The following MMP1 variants were observed in gnomAD, a reference collection of about 807,000 sequenced individuals.
MMP1 encodes the protein matrix metallopeptidase 1, also known as interstitial collagenase.
In MMP1, 51 loss-of-function variants were observed where a neutral mutation model predicts 49.6. That is an observed-to-expected ratio of 1.03 (90% CI 0.82 to 1.30). MMP1 has a LOEUF of 1.30. Among genes scored for constraint, MMP1 ranks in the 50% most tolerant of loss-of-function variants. The pLI is 0.00. For synonymous variants in MMP1, 230 were observed against 196.8 expected (o/e 1.17, Z -1.41); for missense variants, 623 against 568.7 (o/e 1.10, Z -0.97).
intron 6 of MMP1, 170 bp downstream of exon 6, chr11:102,795,004 C>A: frequency 1.6e-6 from 1 of 614,838 alleles, no homozygotes; most frequent in Non-Finnish European, 2.9e-6. Context: ...TGTAGAAAAA[C>A]AAAGTTGTTA....
chr11:102,793,400 T>C (rs535760518), intron 6 of MMP1: 31 of 152,338 alleles, frequency 2.0e-4, no homozygotes, highest in African/African-American at 6.5e-4. Flanking sequence ...ATTACAAGTG[T>C]GAGCCACTGC....
In MMP1 at chr11:102,790,409, T is replaced by A; in HGVS notation, c.*3A>T. On this transcript the variant is annotated 3_prime_UTR_variant, in exon 10 of 10. Coordinates refer to ENST00000315274, the MANE Select transcript of MMP1 (RefSeq NM_002421.4). ...ATGTGTTTTCCATTCAAATTAGTAA[T>A]GTTCAATTTTTCCTGCAGTTGAACC... 6.5e-7 allele frequency: 1 copy of A among 1,547,712 alleles called. No individual in the cohort carries two copies. The highest frequency in any genetic ancestry group is 8.9e-7 in the Non-Finnish European group (1 of 1,127,638).
chr11:102,797,638 AT>A, intron 1 of MMP1, 138 bp from the exon 2 acceptor site: 1 of 1,124,188 alleles, frequency 8.9e-7, no homozygotes, highest in African/African-American at 1.6e-5. Flanking sequence ...TTTTATCCTT[AT>A]TTTTGGTGAG....
At chr11:102,792,788 C>G (rs758390084) in intron 6 of MMP1, 50 bp from the exon 7 acceptor site, 1 of 1,554,930 alleles carries the variant, frequency 6.4e-7, no homozygotes, top group Non-Finnish European at 8.9e-7. Flanking sequence ...CTGGTAATCT[C>G]TGGCAGATAT....
In MMP1 at chr11:102,794,705, A is replaced by G. The variant is rs184045382; in HGVS notation, c.899+469T>C. Among the ~76,000 whole-genome samples the G allele has an allele frequency of 6.6e-6, 1 of 152,254 alleles. No individual in the cohort carries two copies. The highest frequency in any genetic ancestry group is 1.9e-4 in the East Asian group (1 of 5,172). The stretch of plus-strand genomic sequence containing the variant: ...CCATTTTTCCAGGATGGCAGGGGAG[A>G]TAATTAAAGGATGGCTATGCAACCC... On this transcript the variant is annotated intron_variant, in intron 6 of 9. Coordinates refer to ENST00000315274, the MANE Select transcript of MMP1 (RefSeq NM_002421.4). This position sits in a 1 kb window ranked among gnomAD's most constrained non-coding sequence, Gnocchi z 4.3.
rs1858131703 is a variant in MMP1 at position 102,794,717 on chromosome 11, T to C, written c.899+457A>G. On this transcript the variant is annotated intron_variant, in intron 6 of 9. Coordinates refer to ENST00000315274, the MANE Select transcript of MMP1 (RefSeq NM_002421.4). This position sits in a 1 kb window ranked among gnomAD's most constrained non-coding sequence, Gnocchi z 4.3. Reference sequence around the variant, plus strand: ...GATGGCAGGGGAGATAATTAAAGGATGGCTATGCAACCCTCATCAGTGAGA... The same window carrying C: ...GATGGCAGGGGAGATAATTAAAGGACGGCTATGCAACCCTCATCAGTGAGA... Among the ~76,000 whole-genome samples, 1 of 152,168 alleles carries C rather than the reference T, an allele frequency of 6.6e-6. No individual in the cohort carries two copies. Among genetic ancestry groups the C allele is most frequent in the Non-Finnish European group, 1.5e-5 (1 of 68,036 alleles).
In MMP1 at chr11:102,792,634, G is replaced by C. The variant is rs200931880; in HGVS notation, c.1004C>G (p.Ala335Gly). The change falls in exon 7 of 10, where the codon GCC becomes GGC. Residue 335 changes from alanine to glycine, a missense_variant. Physicochemically the swap from Ala to Gly is moderately conservative, Grantham distance 60 (BLOSUM62 0). Transcript: ENST00000315274. ...GAAAAACCGGACTTCATCTCTGTCG[G>C]CAAATTCGTAAGCAGCTTCAAGCCC... ...PNGLEAAYEF[A>G]DRDEVRFFKG... is the part of the protein sequence containing the mutation. 95 of 1,613,428 alleles carry C rather than the reference G, an allele frequency of 5.9e-5. No homozygotes were observed. The highest frequency in any genetic ancestry group is 7.8e-5 in the Non-Finnish European group (92 of 1,179,674).
chr11:102,793,009 T>C (rs1421467902), intron 6 of MMP1: 1 of 247,536 alleles, frequency 4.0e-6, no homozygotes, highest in African/African-American at 2.2e-5. Context: ...CATAAATAAG[T>C]AGAAAAATGC....
At chr11:102,791,529 C>T in intron 7 of MMP1, 34 bp from the exon 8 acceptor site, 5 of 1,608,516 alleles carry the variant, frequency 3.1e-6, no homozygotes, top group South Asian at 1.1e-5. Flanking sequence ...AAACACTTGC[C>T]TAAGACTTCA....
rs769474098 is a variant in MMP1, at chr11:102,797,426, C to G, written c.180G>C (p.Val60=). The G allele has an allele frequency of 2.5e-6, 4 of 1,614,072 alleles. No homozygotes were observed. The highest frequency in any genetic ancestry group is 3.4e-6 in the Non-Finnish European group (4 of 1,180,028). The change falls in exon 2 of 10, where the codon GTG becomes GTC. Residue 60 remains valine (V), a synonymous_variant. Coordinates refer to ENST00000315274, the MANE Select transcript of MMP1 (RefSeq NM_002421.4). ...CCTGCATTTGCTTCAATTTTTCAAC[C>G]ACTGGGCCACTATTTCTCCGCTTTT... ...QVEKRRNSGP[V]VEKLKQMQEF...
At position 102,790,386 on chromosome 11, in the gene MMP1, G is replaced by T; in HGVS notation, c.*26C>A. On this transcript the variant is annotated 3_prime_UTR_variant, in exon 10 of 10. Transcript: ENST00000315274. ...AACACCTTCTTTGGACTCACACCATGTGTTTTCCATTCAAATTAGTAATGT... is the reference window on the plus strand; with the variant it reads ...AACACCTTCTTTGGACTCACACCATTTGTTTTCCATTCAAATTAGTAATGT... 1 of 1,378,438 alleles carries T rather than the reference G, an allele frequency of 7.3e-7. No homozygotes were observed. The highest frequency in any genetic ancestry group is 1.0e-6 in the Non-Finnish European group (1 of 977,010). The allele number at this position is 1,378,438 out of a possible 1,614,324, so 85.4% of individuals were successfully genotyped here.
intron 3 of MMP1, 36 bp downstream of exon 3, chr11:102,796,978 G>A (rs1459735786): frequency 6.3e-7 from 1 of 1,587,548 alleles, no homozygotes; most frequent in Admixed American, 1.8e-5. Context: ...AGATCTAGGG[G>A]CAAGGTGAGG....
Position 102,794,864 on chromosome 11 carries a change from C to A in MMP1, c.899+310G>T, listed in dbSNP as rs1323001737. Among the ~76,000 whole-genome samples the A allele has an allele frequency of 2.0e-5, 3 of 152,168 alleles. No individual in the cohort carries two copies. Among genetic ancestry groups the A allele is most frequent in the Non-Finnish European group, 4.4e-5 (3 of 68,026 alleles). On this transcript the variant is annotated intron_variant, in intron 6 of 9. Transcript: ENST00000315274. This position sits in a 1 kb window ranked among gnomAD's most constrained non-coding sequence, Gnocchi z 4.3. ...AGAAGACCAATAACTGCTCTGCTAC[C>A]AATGAGCTCTATGCCCCCAAAAGAT...
At chr11:102,797,908 C>A in intron 1 of MMP1, 80 bp downstream of exon 1, 2 of 1,072,776 alleles carry the variant, frequency 1.9e-6, no homozygotes, top group East Asian at 2.6e-5. Flanking sequence ...GAAACCTATC[C>A]TTAAAAAACT....
Position 102,791,319 on chromosome 11 carries a change from G to A in MMP1, c.1196+14C>T. 1 of 1,613,590 alleles carries A rather than the reference G, an allele frequency of 6.2e-7. No individual in the cohort carries two copies. The highest frequency in any genetic ancestry group is 8.5e-7 in the Non-Finnish European group (1 of 1,179,572). The stretch of plus-strand genomic sequence containing the variant: ...AAGAACTGAGGCCCTAACATTCTCT[G>A]CACTTAAACTTACCTCCAGTATTTG... On this transcript the variant is annotated intron_variant, in intron 8 of 9. Coordinates refer to ENST00000315274, the MANE Select transcript of MMP1 (RefSeq NM_002421.4).
intron 1 of MMP1, 112 bp downstream of exon 1, chr11:102,797,876 A>C: frequency 1.2e-6 from 1 of 810,520 alleles, no homozygotes; most frequent in Non-Finnish European, 1.9e-6. Context: ...TTCTAGCAAA[A>C]AAAAAAAAAA....
Position 102,797,380 on chromosome 11 carries a change from T to C in MMP1, c.226A>G (p.Thr76Ala). ...QMQEFFGLKV[T>A]GKPDAETLKV... is the part of the protein sequence containing the mutation. ...AGGGTTTCAGCATCTGGTTTCCCAG[T>C]CACTTTCAGCCCAAAGAATTCCTGC... The change falls in exon 2 of 10, where the codon ACT becomes GCT. Residue 76 changes from threonine (T) to alanine (A), a missense_variant. Thr to Ala is a moderately conservative substitution (Grantham distance 58). Transcript: ENST00000315274. 1 of 1,614,196 alleles carries C rather than the reference T, an allele frequency of 6.2e-7. No homozygotes were observed.
Position 102,796,335 on chromosome 11 carries a change from T to A in MMP1, c.625+329A>T, listed in dbSNP as rs551718814. On this transcript the variant is annotated intron_variant, in intron 4 of 9. Transcript: ENST00000315274. ...AAACACAAAAAGCCTTCCTTTTCTT[T>A]AATTTCCACATAAGTTTATGACCGC... Among the ~76,000 whole-genome samples the A allele has an allele frequency of 1.4e-4, 22 of 152,356 alleles. No individual in the cohort carries two copies. The South Asian group carries it at 4.6e-3, about 32-fold the overall frequency.
rs1200979754 is a variant in MMP1 at position 102,790,735 on chromosome 11, C to T, written c.1268G>A (p.Gly423Asp). 1 of 1,613,064 alleles carries T rather than the reference C, an allele frequency of 6.2e-7. No individual in the cohort carries two copies. The highest frequency in any genetic ancestry group is 8.5e-7 in the Non-Finnish European group (1 of 1,179,184). Residue 423 changes from glycine to aspartate, a missense_variant, in exon 9 of 10, where the codon GGC becomes GAC. By Grantham distance (94) the Gly-to-Asp change is moderately conservative (BLOSUM62 -1). Coordinates refer to ENST00000315274, the MANE Select transcript of MMP1 (RefSeq NM_002421.4). The part of the protein sequence containing the change: ...KMIAHDFPGI[G>D]HKVDAVFMKD... ...CATGAAAACTGCATCAACTTTGTGG[C>T]CAATTCCAGGAAAGTCATGTGCTAT...
Sources: allele counts gnomAD v4.1 joint callset (sites outside exome capture counted in the v4.1 genomes callset), GRCh38; gene constraint gnomAD v4.1.1; non-coding constraint Gnocchi (gnomAD v3.1); transcripts MANE v1.5; gene names NCBI Gene and HGNC (gene_info 2026-07-23, HGNC 2026-07-21).